The following C8orf34 variants were observed in gnomAD, a reference collection of about 807,000 sequenced individuals.
C8orf34 encodes chromosome 8 open reading frame 34, also known as uncharacterized protein C8orf34.
C8orf34 carries 65 observed loss-of-function variants against 68.3 expected under a neutral mutation model. That is an observed-to-expected ratio of 0.95 (90% CI 0.78 to 1.17). The LOEUF is 1.17. C8orf34 is among the 50% of genes most tolerant of loss of function. The pLI is 0.00. For synonymous variants in C8orf34, 244 were observed against 241.2 expected, an observed-to-expected ratio of 1.01 and a Z score of -0.11; for missense variants, 664 against 655.4, an observed-to-expected ratio of 1.01 and a Z score of -0.14.
At chr8:68,669,260 A>T (rs1237671566) in intron 8 of C8orf34, among the ~76,000 whole-genome samples, 1 of 152,042 alleles carries the variant, frequency 6.6e-6, no homozygotes, top group Non-Finnish European at 1.5e-5. Context: ...GGAGGCTGTG[A>T]TGTATGTTGG....
chr8:68,747,106 G>A (rs1028198516), intron 10 of C8orf34, among the ~76,000 whole-genome samples: 1,587 of 152,146 alleles, frequency 0.01, 30 homozygotes, highest in African/African-American at 0.036. Flanking sequence ...ATGTAATCCA[G>A]CATGTAAACA....
intron 8 of C8orf34, among the ~76,000 whole-genome samples, chr8:68,672,627 G>A (rs2130846347): frequency 1.3e-5 from 2 of 152,250 alleles, no homozygotes; most frequent in Middle Eastern, 3.4e-3. Flanking sequence ...CTGAGTTCCA[G>A]CAAGCCTTGC....
chr8:68,721,292 G>T, intron 9 of C8orf34, 69 bp from the exon 10 acceptor site: 1 of 1,005,950 alleles, frequency 9.9e-7, no homozygotes, highest in Non-Finnish European at 1.5e-6. Flanking sequence ...CTCACAACAG[G>T]TTTATATATC....
chr8:68,343,795 T>A (rs1355940023), intron 1 of C8orf34, among the ~76,000 whole-genome samples: 2 of 152,124 alleles, frequency 1.3e-5, no homozygotes, highest in Non-Finnish European at 2.9e-5. Flanking sequence ...GGTTTCACCA[T>A]GTTGGTTAGG....
chr8:68,683,969 G>A (rs1323937859), intron 8 of C8orf34, among the ~76,000 whole-genome samples: 1 of 152,062 alleles, frequency 6.6e-6, no homozygotes, highest in Non-Finnish European at 1.5e-5. Flanking sequence ...TCTCAAGATA[G>A]GCTCATGTTT....
intron 5 of C8orf34, among the ~76,000 whole-genome samples, chr8:68,497,831 T>TG (rs1176273017): frequency 6.7e-5 from 10 of 149,856 alleles, no homozygotes; most frequent in Admixed American, 2.0e-4. Flanking sequence ...CTTCTATTTT[T>TG]GGGGGGAGAT....
chr8:68,551,696 G>A (rs1350283544), intron 7 of C8orf34, among the ~76,000 whole-genome samples: 6 of 151,988 alleles, frequency 3.9e-5, no homozygotes, highest in Non-Finnish European at 5.9e-5. Flanking sequence ...GGGAAGAAGT[G>A]TTCTATAGTC....
At chr8:68,490,827 G>A (rs1310667832) in intron 5 of C8orf34, among the ~76,000 whole-genome samples, 1 of 152,110 alleles carries the variant, frequency 6.6e-6, no homozygotes, top group Non-Finnish European at 1.5e-5. Flanking sequence ...ACCCTTGGAG[G>A]AGCAGGAGAG....
chr8:68,464,452 T>G (rs1385700606), intron 3 of C8orf34, among the ~76,000 whole-genome samples: 3 of 151,592 alleles, frequency 2.0e-5, no homozygotes, highest in South Asian at 2.1e-4. Context: ...AAAACTACTT[T>G]AAAGTTCATA....
chr8:68,401,696 T>C (rs1226535118), intron 1 of C8orf34, among the ~76,000 whole-genome samples: 2 of 152,064 alleles, frequency 1.3e-5, no homozygotes, highest in African/African-American at 2.4e-5. Context: ...ATGTTTAACA[T>C]GTATTGATTC....
chr8:68,444,927 T>A (rs951330235), intron 2 of C8orf34, among the ~76,000 whole-genome samples: 5 of 152,180 alleles, frequency 3.3e-5, no homozygotes, highest in Non-Finnish European at 5.9e-5. Context: ...GAATTTATAG[T>A]CCAAGAATGG....
intron 7 of C8orf34, among the ~76,000 whole-genome samples, chr8:68,562,421 G>A (rs925617422): frequency 7.9e-5 from 12 of 152,088 alleles, no homozygotes; most frequent in African/African-American, 2.7e-4. Flanking sequence ...ATTCAGCATT[G>A]AGCAAATCAT....
At chr8:68,798,445 A>G (rs1824242113) in intron 12 of C8orf34, among the ~76,000 whole-genome samples, 1 of 152,094 alleles carries the variant, frequency 6.6e-6, no homozygotes, top group Admixed American at 6.6e-5. Context: ...TATGAGCTTC[A>G]GAAAGTTCTA....
chr8:68,679,397 C>T (rs967002629), intron 8 of C8orf34, among the ~76,000 whole-genome samples: 4 of 152,020 alleles, frequency 2.6e-5, no homozygotes, highest in Non-Finnish European at 5.9e-5. Flanking sequence ...ACAATAAAAA[C>T]TATAAAACAC....
At chr8:68,787,355 C>T (rs1486522307) in intron 11 of C8orf34, 88 bp from the exon 12 acceptor site, 5 of 723,902 alleles carry the variant, frequency 6.9e-6, no homozygotes, top group Non-Finnish European at 1.1e-5. Context: ...TTTGAAGATG[C>T]AGTTCATAAA....
intron 10 of C8orf34, among the ~76,000 whole-genome samples, chr8:68,735,480 C>G (rs550938734): frequency 1.1e-4 from 16 of 152,204 alleles, no homozygotes; most frequent in Admixed American, 7.2e-4. Context: ...AAAGTATTTT[C>G]TTTGCAAAGA....
chr8:68,336,377 G>A (rs1348729569), intron 1 of C8orf34, among the ~76,000 whole-genome samples: 1 of 152,108 alleles, frequency 6.6e-6, no homozygotes, highest in Non-Finnish European at 1.5e-5. Context: ...TACGTACAAG[G>A]TGGGGGCAGG....
chr8:68,815,353 C>CAT (rs34192587), intron 12 of C8orf34, among the ~76,000 whole-genome samples: 25,256 of 151,322 alleles, frequency 0.17, 2,243 homozygotes, highest in East Asian at 0.42. Flanking sequence ...TGGGTACACA[C>CAT]ATATATATAT....
At chr8:68,816,252 G>A (rs1402601159) in intron 13 of C8orf34, among the ~76,000 whole-genome samples, 1 of 151,626 alleles carries the variant, frequency 6.6e-6, no homozygotes, top group Non-Finnish European at 1.5e-5. Flanking sequence ...CTCCTTGACA[G>A]GAAAAATAAT....
Sources: allele counts gnomAD v4.1 joint callset (sites outside exome capture counted in the v4.1 genomes callset), GRCh38; gene constraint gnomAD v4.1.1; transcripts MANE v1.5; gene names NCBI Gene and HGNC (gene_info 2026-07-23, HGNC 2026-07-21).